The following RNF38 variants were observed in gnomAD, a reference collection of about 807,000 sequenced individuals.
RNF38 encodes the protein ring finger protein 38.
Under a neutral mutation model 67.2 loss-of-function variants are expected in RNF38, and 15 were observed. The observed-to-expected ratio is 0.22, with a 90% confidence interval of 0.15 to 0.34. RNF38 has a LOEUF of 0.34. Among genes scored for constraint, RNF38 ranks in the 10% least tolerant of loss-of-function variants. The pLI is 1.00. For synonymous variants in RNF38, 220 were observed against 218.8 expected (o/e 1.01, Z -0.05); for missense variants, 524 against 639.9 (o/e 0.82, Z 1.95).
At chr9:36,417,460 A>T (rs933039023) in intron 2 of RNF38, among the ~76,000 whole-genome samples, 2 of 152,158 alleles carry the variant, frequency 1.3e-5, no homozygotes, top group Non-Finnish European at 2.9e-5. Flanking sequence ...TGATATTTGA[A>T]CTATTTACCT....
rs955057685 is a variant in RNF38 at position 36,359,314 on chromosome 9, G to C, written c.571-1372C>G. On this transcript the variant is annotated intron_variant, in intron 4 of 11. Transcript: ENST00000259605. The stretch of plus-strand genomic sequence containing the variant: ...TTAAATGTAGCCAGAGTGTAGCTTT[G>C]GGGTTTCCTTTACTGATGAGGTTAT... Among the ~76,000 whole-genome samples, 8 of 151,320 alleles carry C rather than the reference G, an allele frequency of 5.3e-5. No homozygotes were observed. The East Asian group carries it at 1.6e-3, about 29-fold the overall frequency.
At chr9:36,420,436 G>A (rs1213850845) in intron 2 of RNF38, among the ~76,000 whole-genome samples, 1 of 150,782 alleles carries the variant, frequency 6.6e-6, no homozygotes, top group Non-Finnish European at 1.5e-5. Flanking sequence ...GGAGGCTGAG[G>A]CAGGAGAATG....
intron 3 of RNF38, among the ~76,000 whole-genome samples, chr9:36,374,988 T>C (rs1835679444): frequency 6.6e-6 from 1 of 152,142 alleles, no homozygotes; most frequent in Non-Finnish European, 1.5e-5. Context: ...TCATTGATAT[T>C]CCTTCAACAT....
rs555303250 is a variant in RNF38, at chr9:36,345,399, A to G, written c.1264-446T>C. Reference sequence around the variant, plus strand: ...TCAAGTGCATCTGTAAAACAAAGTTAGTAACTTTGACCCTGTGAGCTGGAT... The same window carrying G: ...TCAAGTGCATCTGTAAAACAAAGTTGGTAACTTTGACCCTGTGAGCTGGAT... On this transcript the variant is annotated intron_variant, in intron 9 of 11. Coordinates refer to ENST00000259605, the MANE Select transcript of RNF38 (RefSeq NM_022781.5). Among the ~76,000 whole-genome samples, 8 of 152,324 alleles carry G rather than the reference A, an allele frequency of 5.3e-5. 1 individual carries two copies. The highest frequency in any genetic ancestry group is 1.9e-4 in the African/African-American group (8 of 41,570).
At chr9:36,410,204 G>A (rs971684764) in intron 2 of RNF38, among the ~76,000 whole-genome samples, 4 of 152,164 alleles carry the variant, frequency 2.6e-5, no homozygotes, top group African/African-American at 9.7e-5. Flanking sequence ...AAAGGATAAT[G>A]TAAAATTATT....
chr9:36,423,642 C>A (rs1438357375), intron 2 of RNF38, among the ~76,000 whole-genome samples: 1 of 151,984 alleles, frequency 6.6e-6, no homozygotes, highest in South Asian at 2.1e-4. Context: ...GGCCGTCAAG[C>A]GTACTGATGA....
chr9:36,426,415 T>C (rs1023790945), intron 1 of RNF38, among the ~76,000 whole-genome samples: 2 of 152,200 alleles, frequency 1.3e-5, no homozygotes, highest in Non-Finnish European at 2.9e-5. Flanking sequence ...AACAGAATCA[T>C]AAAACATGTG....
intron 1 of RNF38, among the ~76,000 whole-genome samples, chr9:36,477,389 A>G (rs890851623): frequency 6.6e-6 from 1 of 151,990 alleles, no homozygotes; most frequent in Non-Finnish European, 1.5e-5. Flanking sequence ...TACAACAACA[A>G]AACAGGCTGG....
chr9:36,406,406 C>G (rs189953337), intron 2 of RNF38, among the ~76,000 whole-genome samples: 2 of 152,308 alleles, frequency 1.3e-5, no homozygotes, highest in African/African-American at 4.8e-5. Context: ...ACTGTTCTGC[C>G]ATCACATCCA....
chr9:36,397,081 G>GTGTA (rs147500340), intron 1 of RNF38, among the ~76,000 whole-genome samples: 12,235 of 141,492 alleles, frequency 0.086, 700 homozygotes, highest in Non-Finnish European at 0.13. Flanking sequence ...ATGTGTGTGT[G>GTGTA]TATATATATA....
At chr9:36,353,056 G>T in intron 7 of RNF38, 114 bp downstream of exon 7, 1 of 980,642 alleles carries the variant, frequency 1.0e-6, no homozygotes, top group South Asian at 1.5e-5. Flanking sequence ...CTTTCCAACT[G>T]AATGCTGTCG....
intron 1 of RNF38, among the ~76,000 whole-genome samples, chr9:36,464,833 AAAG>A (rs1350989525): frequency 6.6e-6 from 1 of 152,212 alleles, no homozygotes. Flanking sequence ...TGTAATATAT[AAAG>A]ATAACATAAA....
At chr9:36,393,522 T>TGTGTGTGTGG (rs57164047) in intron 1 of RNF38, among the ~76,000 whole-genome samples, 6 of 124,498 alleles carry the variant, frequency 4.8e-5, no homozygotes, top group Admixed American at 1.5e-4. Flanking sequence ...TGTGTGTGTG[T>TGTGTGTGTGG]GGGGCAGGCA....
chr9:36,419,292 C>T (rs944610846), intron 2 of RNF38, among the ~76,000 whole-genome samples: 5 of 152,164 alleles, frequency 3.3e-5, no homozygotes, highest in Non-Finnish European at 5.9e-5. Context: ...TCCCTGAAGG[C>T]AGTATGCATG....
chr9:36,450,568 G>C, intron 1 of RNF38, among the ~76,000 whole-genome samples: 1 of 152,014 alleles, frequency 6.6e-6, no homozygotes, highest in East Asian at 1.9e-4. Flanking sequence ...TCAAAATATA[G>C]AACTTGGTGA....
At chr9:36,367,996 T>C (rs1835104663) in intron 4 of RNF38, among the ~76,000 whole-genome samples, 1 of 152,044 alleles carries the variant, frequency 6.6e-6, no homozygotes, top group Non-Finnish European at 1.5e-5. Flanking sequence ...GGATTACAGG[T>C]GCCTGCCATC....
intron 4 of RNF38, among the ~76,000 whole-genome samples, chr9:36,367,466 T>G (rs916694314): frequency 6.6e-6 from 1 of 152,212 alleles, no homozygotes; most frequent in African/African-American, 2.4e-5. Context: ...ACCAATTATC[T>G]TGAAAGATTT....
intron 2 of RNF38, among the ~76,000 whole-genome samples, chr9:36,382,285 T>C (rs1836269351): frequency 6.6e-6 from 1 of 152,130 alleles, no homozygotes. Flanking sequence ...GCTACAGATT[T>C]AGGGATCAAG....
intron 1 of RNF38, 137 bp downstream of exon 1, chr9:36,399,957 TAAG>T (rs1837872776): frequency 8.0e-6 from 6 of 752,196 alleles, no homozygotes; most frequent in Non-Finnish European, 1.3e-5. Flanking sequence ...GTCCACCGCT[TAAG>T]AAAAAAGAAA....
Sources: allele counts gnomAD v4.1 joint callset (sites outside exome capture counted in the v4.1 genomes callset), GRCh38; gene constraint gnomAD v4.1.1; transcripts MANE v1.5; gene names NCBI Gene and HGNC (gene_info 2026-07-23, HGNC 2026-07-21).